The following CHN1 variants were observed in gnomAD, a reference collection of about 807,000 sequenced individuals.
The protein encoded by CHN1 is chimerin 1.
In CHN1, 37 loss-of-function variants were observed where a neutral mutation model predicts 59.5. The ratio of observed to expected loss-of-function variants is 0.62; its 90% CI spans 0.48 to 0.82. The LOEUF (loss-of-function observed/expected upper bound fraction) is 0.82, where lower values mean the gene tolerates loss of function less well. CHN1 is among the 40% of genes least tolerant of loss of function. The probability of loss-of-function intolerance (pLI) is 0.00; values close to 1 mark genes in which losing one functional copy is unlikely to be tolerated. For synonymous variants in CHN1, 206 were observed against 200.4 expected, an observed-to-expected ratio of 1.03 and a Z score of -0.24; for missense variants, 469 against 571.0, an observed-to-expected ratio of 0.82 and a Z score of 1.82.
At chr2:174,839,066 GATAA>G (rs1686197375) in intron 7 of CHN1, among the ~76,000 whole-genome samples, 1 of 151,482 alleles carries the variant, frequency 6.6e-6, no homozygotes, top group African/African-American at 2.4e-5. Context: ...ATTTTTAATT[GATAA>G]ATAAAAATTA....
chr2:174,859,148 C>T (rs1686995628), intron 6 of CHN1, among the ~76,000 whole-genome samples: 1 of 152,078 alleles, frequency 6.6e-6, no homozygotes, highest in South Asian at 2.1e-4. Context: ...TAAAATGCCC[C>T]TAATAGCAAC....
chr2:174,828,793 A>C (rs1685778072), intron 7 of CHN1, among the ~76,000 whole-genome samples: 2 of 152,212 alleles, frequency 1.3e-5, no homozygotes, highest in Non-Finnish European at 2.9e-5. Flanking sequence ...CAAGGGGTGC[A>C]AGGGCTTGGG....
In CHN1 at chr2:174,910,848, G is replaced by A. The variant is rs903693896; in HGVS notation, c.260+4210C>T. ...CCAGGAGGCGGAGCTTGCAGTGAGC[G>A]GAGATCGCGCCACAGCACTCCCGCC... On this transcript the variant is annotated intron_variant, in intron 5 of 12. Coordinates refer to ENST00000409900, the MANE Select transcript of CHN1 (RefSeq NM_001822.7). 3.4e-5 allele frequency among the ~76,000 whole-genome samples: 5 copies of A among 147,744 alleles called. 1 individual carries two copies. Among genetic ancestry groups the A allele is most frequent in the South Asian group, 4.2e-4 (2 of 4,712 alleles).
chr2:174,999,987 C>T (rs147767279), intron 1 of CHN1, among the ~76,000 whole-genome samples: 76 of 152,290 alleles, frequency 5.0e-4, no homozygotes, highest in African/African-American at 1.7e-3. Flanking sequence ...GCCAACATTC[C>T]TCTACAGTGT....
chr2:174,818,425 A>T (rs1685356546), intron 8 of CHN1, among the ~76,000 whole-genome samples: 1 of 152,186 alleles, frequency 6.6e-6, no homozygotes, highest in South Asian at 2.1e-4. Flanking sequence ...CTCAGGGACT[A>T]ACGGTATATC....
chr2:174,919,900 T>C (rs1688958182), intron 3 of CHN1, among the ~76,000 whole-genome samples: 1 of 152,192 alleles, frequency 6.6e-6, no homozygotes, highest in African/African-American at 2.4e-5. Flanking sequence ...AATGAAATTT[T>C]GTATCCTTTA....
At position 174,915,039 on chromosome 2, in the gene CHN1, T is replaced by C. The variant is rs1191272067; in HGVS notation, c.260+19A>G. The C allele has an allele frequency of 2.7e-6, 4 of 1,501,958 alleles. No individual in the cohort carries two copies. Among genetic ancestry groups the C allele is most frequent in the East Asian group, 2.3e-5 (1 of 44,088 alleles). 93.0% of individuals were successfully genotyped at this position (1,501,958 alleles called of 1,614,324 possible). ...AGTTTTAAATAAAGCACAGTAGTAA[T>C]TGCAGGCCCATGACCAACCTTAAAG... On this transcript the variant is annotated intron_variant, in intron 5 of 12. Coordinates refer to ENST00000409900, the MANE Select transcript of CHN1 (RefSeq NM_001822.7).
intron 3 of CHN1, among the ~76,000 whole-genome samples, chr2:174,923,201 C>T (rs1300067729): frequency 6.6e-6 from 1 of 151,596 alleles, no homozygotes; most frequent in Non-Finnish European, 1.5e-5. Flanking sequence ...AGTGCAGTGG[C>T]TTGATCTCGG....
At chr2:174,945,829 C>T (rs893635923) in intron 2 of CHN1, among the ~76,000 whole-genome samples, 4 of 151,986 alleles carry the variant, frequency 2.6e-5, no homozygotes, top group African/African-American at 7.3e-5. Context: ...GACTCTACTT[C>T]TGACCACATT....
intron 1 of CHN1, among the ~76,000 whole-genome samples, chr2:174,957,035 C>A (rs984188661): frequency 4.6e-5 from 7 of 152,070 alleles, no homozygotes; most frequent in Admixed American, 3.3e-4. Context: ...TTTAAAGACA[C>A]CTTATTTCGT....
chr2:174,988,323 C>G (rs982354790), intron 1 of CHN1, among the ~76,000 whole-genome samples: 2 of 149,388 alleles, frequency 1.3e-5, no homozygotes, highest in Non-Finnish European at 3.0e-5. Context: ...CGCCACTGCA[C>G]TCCAGCCTGG....
chr2:174,848,227 T>C (rs1418395149), intron 6 of CHN1, among the ~76,000 whole-genome samples: 1 of 151,998 alleles, frequency 6.6e-6, no homozygotes, highest in Non-Finnish European at 1.5e-5. Context: ...ATTTTTTTTA[T>C]TCAGAGAGCT....
chr2:174,877,115 G>C (rs1241062234), intron 6 of CHN1, among the ~76,000 whole-genome samples: 1 of 151,874 alleles, frequency 6.6e-6, no homozygotes, highest in Non-Finnish European at 1.5e-5. Flanking sequence ...TTTTTTCTTG[G>C]GGGTGAGGAG....
At chr2:175,004,755 G>A in intron 1 of CHN1, 139 bp downstream of exon 1, 1 of 251,892 alleles carries the variant, frequency 4.0e-6, no homozygotes, top group Non-Finnish European at 6.3e-6. Flanking sequence ...CGCCCCGGGC[G>A]CCCCAACTCT....
rs545607612 is a variant in CHN1, at chr2:174,811,656, T to C, written c.887-68A>G. 95 of 906,684 alleles carry C rather than the reference T, an allele frequency of 1.0e-4. No homozygotes were observed. In the African/African-American group the frequency reaches 1.3e-3, roughly 13 times the overall value. 56.2% of individuals were successfully genotyped at this position (906,684 alleles called of 1,614,324 possible). ...CTTCAGATTTTAACTCCTCACACTT[T>C]AAGCTGGGAGGTAATGTGTCAGAAG... On this transcript the variant is annotated intron_variant, in intron 9 of 12. Transcript: ENST00000409900.
chr2:174,942,476 G>A (rs1333021227), intron 3 of CHN1, among the ~76,000 whole-genome samples: 1 of 152,074 alleles, frequency 6.6e-6, no homozygotes, highest in African/African-American at 2.4e-5. Context: ...CACAGAAGAT[G>A]AGCAAGACAG....
chr2:174,815,827 A>G (rs190918142), intron 8 of CHN1, among the ~76,000 whole-genome samples: 1 of 152,298 alleles, frequency 6.6e-6, no homozygotes. Flanking sequence ...GGTTCCTACT[A>G]AATCTTTAAA....
chr2:174,960,334 A>G (rs932538387), intron 1 of CHN1, among the ~76,000 whole-genome samples: 19 of 152,250 alleles, frequency 1.2e-4, no homozygotes, highest in Non-Finnish European at 2.5e-4. Context: ...AAACCAGCTT[A>G]ATCCATTATG....
At chr2:174,921,795 C>G (rs1346441847) in intron 3 of CHN1, among the ~76,000 whole-genome samples, 2 of 152,126 alleles carry the variant, frequency 1.3e-5, no homozygotes, top group Non-Finnish European at 2.9e-5. Flanking sequence ...TGAGAACTCA[C>G]TCACTATCAC....
Sources: allele counts gnomAD v4.1 joint callset (sites outside exome capture counted in the v4.1 genomes callset), GRCh38; gene constraint gnomAD v4.1.1; transcripts MANE v1.5; gene names NCBI Gene and HGNC (gene_info 2026-07-23, HGNC 2026-07-21).